Variants in ROBO2 observed in about 807,000 individuals in gnomAD.
ROBO2 encodes the protein roundabout homolog 2.
Under a neutral mutation model 160.8 loss-of-function variants are expected in ROBO2, and 53 were observed. That is an observed-to-expected ratio of 0.33 (90% CI 0.26 to 0.41). The LOEUF is 0.41. Among genes scored for constraint, ROBO2 ranks in the 10% least tolerant of loss-of-function variants. ROBO2 has a pLI of 1.00. For synonymous variants in ROBO2, 664 were observed against 611.7 expected (o/e 1.09, Z -1.26); for missense variants, 1,577 against 1,722.4 (o/e 0.92, Z 1.49).
chr3:76,237,518 C>T (rs1705016081), intron 2 of ROBO2, among the ~76,000 whole-genome samples: 6 of 152,094 alleles, frequency 3.9e-5, no homozygotes, highest in Admixed American at 2.0e-4. Context: ...AAATAAACAT[C>T]ATCCTTTGTA....
At chr3:77,109,284 A>G (rs1439222491) in intron 2 of ROBO2, among the ~76,000 whole-genome samples, 1 of 152,242 alleles carries the variant, frequency 6.6e-6, no homozygotes, top group East Asian at 1.9e-4. Context: ...AAAAAGTTCT[A>G]GAGATCTGTT....
chr3:76,808,350 A>C (rs1340598516), intron 2 of ROBO2, among the ~76,000 whole-genome samples: 2 of 152,102 alleles, frequency 1.3e-5, no homozygotes, highest in Non-Finnish European at 2.9e-5. Flanking sequence ...ATAGTAAATA[A>C]GTTGTTAGTA....
At chr3:76,212,914 T>TGAAAC (rs1703241106) in intron 2 of ROBO2, among the ~76,000 whole-genome samples, 1 of 1,034 alleles carries the variant, frequency 9.7e-4, no homozygotes, top group Admixed American at 0.012. Flanking sequence ...GTGTTCTTAG[T>TGAAAC]TTCACTTTTG....
At chr3:76,849,064 T>C (rs767960910) in intron 2 of ROBO2, among the ~76,000 whole-genome samples, 30 of 152,234 alleles carry the variant, frequency 2.0e-4, no homozygotes, top group Non-Finnish European at 4.1e-4. Context: ...ATCTGTTTCC[T>C]AACTGGCTCT....
intron 2 of ROBO2, among the ~76,000 whole-genome samples, chr3:76,678,972 A>G (rs1430039844): frequency 6.6e-6 from 1 of 152,190 alleles, no homozygotes; most frequent in Non-Finnish European, 1.5e-5. Flanking sequence ...TATTTAGGCT[A>G]GCTCTAGTCA....
At chr3:77,294,473 G>A (rs1453448796) in intron 2 of ROBO2, among the ~76,000 whole-genome samples, 2 of 144,136 alleles carry the variant, frequency 1.4e-5, no homozygotes, top group Non-Finnish European at 3.0e-5. Context: ...ACGGGTAAAC[G>A]GGTAAGCTGA....
chr3:76,901,385 G>GA (rs1455446744), intron 2 of ROBO2, among the ~76,000 whole-genome samples: 1 of 151,620 alleles, frequency 6.6e-6, no homozygotes, highest in African/African-American at 2.4e-5. Context: ...TAAAGAAATA[G>GA]AAAAATAATT....
rs140179158 is a variant in ROBO2, at chr3:76,732,327, C to T, written c.110-365687C>T. On this transcript the variant is annotated intron_variant, in intron 2 of 26. Coordinates refer to the ROBO2 transcript ENST00000487694. ...GATAAATTGAAGTACATTTTGAAAT[C>T]TTCATATGATTTCATATGATGACGA... is the stretch of plus-strand genomic sequence containing the variant. Among the ~76,000 whole-genome samples, 688 of 152,244 alleles carry T rather than the reference C, an allele frequency of 4.5e-3. 5 individuals are homozygous for T. The highest frequency in any genetic ancestry group is 0.016 in the African/African-American group (659 of 41,536).
intron 2 of ROBO2, among the ~76,000 whole-genome samples, chr3:76,704,228 C>G (rs1187370923): frequency 6.6e-6 from 1 of 152,102 alleles, no homozygotes. Context: ...TCACAAAGTT[C>G]CTCTGGCTGT....
At chr3:76,121,160 C>A (rs189060171) in intron 2 of ROBO2, among the ~76,000 whole-genome samples, 1 of 152,044 alleles carries the variant, frequency 6.6e-6, no homozygotes, top group Non-Finnish European at 1.5e-5. Flanking sequence ...GTCATGCATA[C>A]CATTTAATGA....
intron 2 of ROBO2, among the ~76,000 whole-genome samples, chr3:77,329,661 G>T (rs1290118963): frequency 6.6e-6 from 1 of 152,140 alleles, no homozygotes; most frequent in East Asian, 1.9e-4. Context: ...ATTCTCTCCT[G>T]CCCTGTGCCT....
intron 2 of ROBO2, among the ~76,000 whole-genome samples, chr3:77,123,034 A>G (rs1201763860): frequency 6.6e-6 from 1 of 152,162 alleles, no homozygotes; most frequent in Non-Finnish European, 1.5e-5. Flanking sequence ...ATGGAGAGGA[A>G]TCAGCAATAA....
intron 2 of ROBO2, among the ~76,000 whole-genome samples, chr3:75,989,519 A>G (rs1252713438): frequency 2.0e-5 from 3 of 152,182 alleles, no homozygotes; most frequent in African/African-American, 4.8e-5. Flanking sequence ...CTGTTTTCCA[A>G]TAATACCTGT....
intron 2 of ROBO2, among the ~76,000 whole-genome samples, chr3:76,933,422 C>T (rs2077482537): frequency 6.6e-6 from 1 of 152,162 alleles, no homozygotes; most frequent in Admixed American, 6.6e-5. Flanking sequence ...AACTTCCTGA[C>T]ATTATCTATG....
At chr3:77,070,455 T>C (rs1047691345) in intron 1 of ROBO2, among the ~76,000 whole-genome samples, 2 of 152,084 alleles carry the variant, frequency 1.3e-5, no homozygotes, top group Admixed American at 6.6e-5. Flanking sequence ...GACATTTTCA[T>C]TGAACTTAGA....
chr3:76,318,238 A>C (rs2072211599), intron 2 of ROBO2, among the ~76,000 whole-genome samples: 1 of 152,166 alleles, frequency 6.6e-6, no homozygotes, highest in Non-Finnish European at 1.5e-5. Flanking sequence ...ACTCTTATCA[A>C]AAGTGGGGAA....
chr3:77,378,858 G>A lies in ROBO2; in HGVS notation c.389-98556G>A, dbSNP rs576945281. On this transcript the variant is annotated intron_variant, in intron 2 of 25. Coordinates refer to ENST00000461745, the Ensembl canonical transcript of ROBO2. ...AGATCCATTCAATTCGTGTTTCTTC[G>A]GTAAAGTCTTCCCTGGCCATGCTTT... Among the ~76,000 whole-genome samples the A allele has an allele frequency of 3.7e-4, 56 of 151,832 alleles. 1 individual carries two copies. Among genetic ancestry groups the A allele is most frequent in the Non-Finnish European group, 1.0e-4 (7 of 68,010 alleles).
chr3:77,085,509 C>A (rs1429568824), intron 1 of ROBO2, among the ~76,000 whole-genome samples: 1 of 152,056 alleles, frequency 6.6e-6, no homozygotes, highest in African/African-American at 2.4e-5. Flanking sequence ...GATGCTGTCA[C>A]TTCTGTTCAG....
chr3:77,472,738 A>G (rs1048894122), intron 2 of ROBO2, among the ~76,000 whole-genome samples: 6 of 152,150 alleles, frequency 3.9e-5, no homozygotes, highest in East Asian at 3.9e-4. Flanking sequence ...TAAAAATTCT[A>G]TTTTTATTTG....
Sources: allele counts gnomAD v4.1 joint callset (sites outside exome capture counted in the v4.1 genomes callset), GRCh38; gene constraint gnomAD v4.1.1; transcripts MANE v1.5; gene names NCBI Gene and HGNC (gene_info 2026-07-23, HGNC 2026-07-21).